The following ARFGAP2 variants were observed in gnomAD, a reference collection of about 807,000 sequenced individuals.
ARFGAP2 encodes ADP-ribosylation factor GTPase-activating protein 2.
Under a neutral mutation model 71.9 loss-of-function variants are expected in ARFGAP2, and 45 were observed. That is an observed-to-expected ratio of 0.63 (90% CI 0.49 to 0.80). The LOEUF is 0.80. Among genes scored for constraint, ARFGAP2 ranks in the 30% least tolerant of loss-of-function variants. The pLI is 0.00. For missense variants in ARFGAP2, 633 were observed against 673.9 expected (o/e 0.94, Z 0.67); for synonymous variants, 248 against 249.2 (o/e 1.00, Z 0.05).
At chr11:47,172,585 A>C in intron 7 of ARFGAP2, 1 of 1,202,088 alleles carries the variant, frequency 8.3e-7, no homozygotes, top group Admixed American at 2.3e-5. Flanking sequence ...AGCACCAGAG[A>C]CGTCCAAATT....
chr11:47,176,554 C>T lies in ARFGAP2; in HGVS notation c.153G>A (p.Gly51=). The change falls in exon 2 of 16, where the codon GGG becomes GGA. Residue 51 remains glycine, a synonymous_variant. Transcript: ENST00000524782. ...GATGGACGCCCAGGGAGCGGTGCACCCCGGAACAGTCAATGCACAAGAAAA... is the reference window on the plus strand; with the variant it reads ...GATGGACGCCCAGGGAGCGGTGCACTCCGGAACAGTCAATGCACAAGAAAA... ...YGVFLCIDCS[G]VHRSLGVHLS... is the part of the protein sequence containing the mutation. The T allele has an allele frequency of 6.2e-7, 1 of 1,613,892 alleles. No homozygotes were observed. Among genetic ancestry groups the T allele is most frequent in the Non-Finnish European group, 8.5e-7 (1 of 1,180,038 alleles).
At position 47,175,100 on chromosome 11, in the gene ARFGAP2, T is replaced by G; in HGVS notation, c.397-2A>C. The stretch of plus-strand genomic sequence containing the variant: ...ACTACTCATGTTGTCTATCCAAAGC[T>G]AGAAAGGAGAAGACACCCCTAAAAC... On this transcript the variant is annotated splice_acceptor_variant, in intron 4 of 15. Coordinates refer to ENST00000524782, the MANE Select transcript of ARFGAP2 (RefSeq NM_032389.6). LOFTEE classifies it high-confidence loss of function. 1 of 1,614,116 alleles carries G rather than the reference T, an allele frequency of 6.2e-7. No homozygotes were observed. The highest frequency in any genetic ancestry group is 2.2e-5 in the East Asian group (1 of 44,876).
At chr11:47,176,675 A>G (rs765536262) in intron 1 of ARFGAP2, 41 bp from the exon 2 acceptor site, 3 of 1,612,038 alleles carry the variant, frequency 1.9e-6, no homozygotes, top group Non-Finnish European at 2.5e-6. Flanking sequence ...AGGGGCCCCG[A>G]GTAAAGGCCA....
Position 47,167,012 on chromosome 11 carries a change from C to A in ARFGAP2, c.1206-126G>T, listed in dbSNP as rs977047098. 4.0e-6 allele frequency: 5 copies of A among 1,245,038 alleles called. No individual in the cohort carries two copies. The East Asian group carries it at 7.1e-5, about 18-fold the overall frequency. The allele number at this position is 1,245,038 out of a possible 1,614,324, so 77.1% of individuals were successfully genotyped here. On this transcript the variant is annotated intron_variant, in intron 12 of 15. Transcript: ENST00000524782. The stretch of plus-strand genomic sequence containing the variant: ...TTACCAGGTCCCATTCTGTCTGTGG[C>A]TCTGTGGCTCTGGGCCCCTCTCCCC...
rs369774258 is a variant in ARFGAP2, at chr11:47,168,918, G to T, written c.942-667C>A. Among the ~76,000 whole-genome samples the T allele has an allele frequency of 1.8e-4, 28 of 152,038 alleles. No individual in the cohort carries two copies. The South Asian group carries it at 2.9e-3, about 16-fold the overall frequency. On this transcript the variant is annotated intron_variant, in intron 10 of 15. Transcript: ENST00000524782. ...ACTATGAACCCCATCCTTCACTGAT[G>T]GGGTTCACAAAGCAAAGGAATGGAT...
Position 47,172,512 on chromosome 11 carries a change from G to A in ARFGAP2, c.620-179C>T, listed in dbSNP as rs913021759. On this transcript the variant is annotated intron_variant, in intron 7 of 15. Transcript: ENST00000524782. ...AAAGCCAAAGACAGACGTGGCTGGG[G>A]TATTTACTGGCACCCAGCAGAGTGA... Among the ~76,000 whole-genome samples the A allele has an allele frequency of 3.9e-5, 6 of 152,292 alleles. No homozygotes were observed. The South Asian group carries it at 1.0e-3, about 26-fold the overall frequency.
At chr11:47,169,313 CAGAG>C (rs1952507751) in intron 10 of ARFGAP2, 1 of 151,042 alleles carries the variant, frequency 6.6e-6, no homozygotes, top group South Asian at 2.1e-4. Context: ...GGCTCCGTCT[CAGAG>C]AGAAAAAAAA....
rs1286724387 is a variant in ARFGAP2, at chr11:47,176,790, T to G, written c.64A>C (p.Thr22Pro). 1 of 1,614,036 alleles carries G rather than the reference T, an allele frequency of 6.2e-7. No individual in the cohort carries two copies. The highest frequency in any genetic ancestry group is 8.5e-7 in the Non-Finnish European group (1 of 1,180,038). Residue 22 changes from threonine to proline, a missense_variant, in exon 1 of 16, where the codon ACC (threonine) becomes CCC (proline). Transcript: ENST00000524782. ...GCCCCCTGCTCACGCACCTTGTTGG[T>G]TGGAACTGCGCGAAGCCTCTTAAAA... Reference protein sequence around the residue: ...TLFKRLRAVPTNKACFDCGAK... With the variant: ...TLFKRLRAVPPNKACFDCGAK...
intron 2 of ARFGAP2, 42 bp from the exon 3 acceptor site, chr11:47,175,965 C>A (rs1244623141): frequency 1.9e-6 from 3 of 1,605,696 alleles, no homozygotes; most frequent in Admixed American, 1.7e-5. Flanking sequence ...CAGATACCAG[C>A]AGGATTTCCC....
chr11:47,171,332 C>A, intron 10 of ARFGAP2, 94 bp downstream of exon 10: 1 of 1,553,170 alleles, frequency 6.4e-7, no homozygotes. Context: ...CTTGGAGAAA[C>A]AATAAGCCTA....
At chr11:47,169,409 G>A (rs1404630023) in intron 10 of ARFGAP2, 1 of 152,150 alleles carries the variant, frequency 6.6e-6, no homozygotes, top group African/African-American at 2.4e-5. Flanking sequence ...AGGGGTCTAG[G>A]GTTGGCAGGC....
chr11:47,174,888 T>C, intron 5 of ARFGAP2, 127 bp downstream of exon 5: 2 of 981,138 alleles, frequency 2.0e-6, no homozygotes, highest in Non-Finnish European at 1.6e-6. Flanking sequence ...ACAGTGGACT[T>C]CATACGTGGT....
chr11:47,172,238 C>A (rs773197720), intron 8 of ARFGAP2, 43 bp downstream of exon 8: 2 of 1,601,190 alleles, frequency 1.2e-6, no homozygotes, highest in Admixed American at 1.7e-5. Context: ...GTAGCCTGCA[C>A]CCAGCTCCTA....
intron 12 of ARFGAP2, among the ~76,000 whole-genome samples, chr11:47,167,242 G>A (rs755120078): frequency 3.9e-5 from 6 of 152,108 alleles, no homozygotes; most frequent in Non-Finnish European, 5.9e-5. Flanking sequence ...CATATGTGTC[G>A]GTCTGCCTGG....
At chr11:47,168,380 G>A in intron 10 of ARFGAP2, 129 bp from the exon 11 acceptor site, 4 of 1,307,644 alleles carry the variant, frequency 3.1e-6, no homozygotes, top group Non-Finnish European at 3.1e-6. Context: ...CCTTACCCAA[G>A]CACAGGGCTG....
rs770410129 is a variant in ARFGAP2 at position 47,166,278 on chromosome 11, T to A, written c.1535A>T (p.Asn512Ile). Reference sequence around the variant, plus strand: ...CCACTTCAGCCTCACCTGCAAGGAATTCATCACACCATTGGCCAGCACAGC... The same window carrying A: ...CCACTTCAGCCTCACCTGCAAGGAAATCATCACACCATTGGCCAGCACAGC... ...KMAVLANGVM[N>I]SLQDRYGSY The change falls in exon 15 of 16, where the codon AAT becomes ATT. Residue 512 changes from asparagine to isoleucine, a missense_variant. Coordinates refer to ENST00000524782, the MANE Select transcript of ARFGAP2 (RefSeq NM_032389.6). 6.2e-7 allele frequency: 1 copy of A among 1,614,170 alleles called. No individual in the cohort carries two copies.
rs1419716956 is a variant in ARFGAP2, at chr11:47,164,323, C to G, written c.*1159G>C. ...TGCTTCACTCAGACCAACAGGGAGC[C>G]AGGCCCTGCAGGGGCTTTATTTTGA... On this transcript the variant is annotated 3_prime_UTR_variant, in exon 16 of 16. Transcript: ENST00000524782. 4 of 1,453,254 alleles carry G rather than the reference C, an allele frequency of 2.8e-6. No individual in the cohort carries two copies. Among genetic ancestry groups the G allele is most frequent in the Non-Finnish European group, 3.7e-6 (4 of 1,085,996 alleles). 90.0% of individuals were successfully genotyped at this position (1,453,254 alleles called of 1,614,324 possible).
At chr11:47,176,004 T>C in intron 2 of ARFGAP2, 81 bp from the exon 3 acceptor site, 2 of 1,475,612 alleles carry the variant, frequency 1.4e-6, no homozygotes, top group Non-Finnish European at 1.9e-6. Flanking sequence ...TCACTTGGCC[T>C]CAGGCTGCTG....
At chr11:47,173,326 G>A (rs1952670888) in intron 7 of ARFGAP2, 100 bp downstream of exon 7, 2 of 1,341,594 alleles carry the variant, frequency 1.5e-6, no homozygotes, top group Non-Finnish European at 2.1e-6. Flanking sequence ...TCAGTCTCCT[G>A]TGGCCTCTGT....
Sources: gnomAD v4.1 joint callset for allele counts (sites outside exome capture counted in the v4.1 genomes callset) on GRCh38, gnomAD v4.1.1 for gene constraint, MANE v1.5 for transcripts, NCBI Gene and HGNC (gene_info 2026-07-23, HGNC 2026-07-21) for gene names.